LRP2: variants seen among roughly 807,000 people sequenced by gnomAD.
LRP2 encodes the protein low-density lipoprotein receptor-related protein 2.
A neutral mutation model predicts 531.0 loss-of-function variants in LRP2; 172 were observed. The ratio of observed to expected loss-of-function variants is 0.32; its 90% confidence interval spans 0.29 to 0.37. The LOEUF (loss-of-function observed/expected upper bound fraction) is 0.37, where lower values mean the gene tolerates loss of function less well. LRP2 is among the 10% of genes least tolerant of loss of function. LRP2 has a pLI of 1.00. For missense variants in LRP2, 5,167 were observed against 5,868.3 expected, an observed-to-expected ratio of 0.88 and a Z score of 3.90; for synonymous variants, 1,992 against 2,027.6, an observed-to-expected ratio of 0.98 and a Z score of 0.47.
At position 169,270,912 on chromosome 2, in the gene LRP2, T is replaced by C; in HGVS notation, c.2312A>G (p.Asp771Gly). 1.2e-6 allele frequency: 2 copies of C among 1,612,398 alleles called. No homozygotes were observed. Among genetic ancestry groups the C allele is most frequent in the Non-Finnish European group, 1.7e-6 (2 of 1,179,270 alleles). The change falls in exon 16 of 79, where the codon GAT becomes GGT. Residue 771 changes from aspartate to glycine, a missense_variant. Physicochemically the swap from Asp to Gly is moderately conservative, Grantham distance 94 (BLOSUM62 -1). Around this residue, in one of 6 missense-constraint regions of LRP2, gnomAD observed 2,811 missense variants for 3,058.0 expected, o/e 0.92. Transcript: ENST00000649046. ...ACACAAACCTTTCTCACCTGTGCCATCAATCTTTTGCTTAAAAATCATGTG... is the reference window on the plus strand; with the variant it reads ...ACACAAACCTTTCTCACCTGTGCCACCAATCTTTTGCTTAAAAATCATGTG... The part of the protein sequence containing the change: ...SKHMIFKQKI[D>G]GTGREILAAN...
In LRP2 at chr2:169,220,383, C is replaced by T. The variant is rs532534210; in HGVS notation, c.5648+71G>A. The stretch of plus-strand genomic sequence containing the variant: ...AAGATGTCCTAAATTTGAAATCTTC[C>T]ATTTTGTCAGACCCTGACATTAACA... On this transcript the variant is annotated intron_variant, in intron 34 of 78. Coordinates refer to ENST00000649046, the MANE Select transcript of LRP2 (RefSeq NM_004525.3). The T allele has an allele frequency of 3.4e-4, 382 of 1,129,364 alleles. 1 individual carries two copies. Among genetic ancestry groups the T allele is most frequent in the South Asian group, 1.8e-3 (144 of 80,728 alleles). The allele number at this position is 1,129,364 out of a possible 1,614,324, so 70.0% of individuals were successfully genotyped here. A position where few individuals can be genotyped will look rare whatever the true frequency, so the allele number is the denominator to read the frequency against.
chr2:169,348,303 A>G (rs1406654651), intron 1 of LRP2, among the ~76,000 whole-genome samples: 1 of 152,208 alleles, frequency 6.6e-6, no homozygotes. Flanking sequence ...TGGAGTCCTC[A>G]AAAGAATGGG....
chr2:169,145,657 A>G (rs751382023), intron 70 of LRP2, 90 bp downstream of exon 70: 1 of 1,266,978 alleles, frequency 7.9e-7, no homozygotes. Flanking sequence ...GCTTGTTGTT[A>G]TCTACTGCCA....
At chr2:169,145,457 C>G (rs1190896759) in intron 70 of LRP2, among the ~76,000 whole-genome samples, 1 of 152,212 alleles carries the variant, frequency 6.6e-6, no homozygotes. Context: ...CTGCTGGATT[C>G]TGTGGCCTAG....
At chr2:169,293,629 C>T (rs183042990) in intron 6 of LRP2, among the ~76,000 whole-genome samples, 22 of 152,220 alleles carry the variant, frequency 1.4e-4, no homozygotes, top group Admixed American at 1.0e-3. Flanking sequence ...AAGCCGAGAT[C>T]GCGCCACTGT....
At chr2:169,187,482 T>C (rs1218758493) in intron 49 of LRP2, among the ~76,000 whole-genome samples, 1 of 152,118 alleles carries the variant, frequency 6.6e-6, no homozygotes, top group African/African-American at 2.4e-5. Context: ...TATTATGGAG[T>C]TCAAGATGGT....
In LRP2 at chr2:169,209,538, T is replaced by C; in HGVS notation, c.6384A>G (p.Lys2128=). ...TGTTCATCAGAGAAGATCCATCTGG[T>C]TTAATTCTACGGATCGCATTATCAG... is the stretch of plus-strand genomic sequence containing the variant. ...VASDNAIRRI[K]PDGSSLMNIV... The change falls in exon 38 of 79, where the codon AAA becomes AAG. Residue 2128 remains lysine (K), a synonymous_variant. Transcript: ENST00000649046. 1.2e-6 allele frequency: 2 copies of C among 1,614,112 alleles called. No homozygotes were observed. Among genetic ancestry groups the C allele is most frequent in the Non-Finnish European group, 1.7e-6 (2 of 1,179,994 alleles).
chr2:169,236,089 C>A, intron 28 of LRP2, 21 bp from the exon 29 acceptor site: 1 of 1,540,736 alleles, frequency 6.5e-7, no homozygotes, highest in Non-Finnish European at 9.0e-7. Context: ...AAATGAGTTA[C>A]CAATTGGAGG....
At chr2:169,272,782 C>T (rs1004648102) in intron 15 of LRP2, 145 bp downstream of exon 15, 4 of 965,376 alleles carry the variant, frequency 4.1e-6, no homozygotes, top group East Asian at 2.4e-5. Flanking sequence ...AGGAAGATGC[C>T]CTGTGGGCTA....
At position 169,156,265 on chromosome 2, in the gene LRP2, C is replaced by T. The variant is rs1410831310; in HGVS notation, c.12151+9G>A. On this transcript the variant is annotated intron_variant, in intron 65 of 78. Transcript: ENST00000649046. The stretch of plus-strand genomic sequence containing the variant: ...AAAGTCAATTAATCCCAACATGAAC[C>T]CATCATACCCTCAGCTGCACATCGT... 1 of 1,613,374 alleles carries T rather than the reference C, an allele frequency of 6.2e-7. No individual in the cohort carries two copies. The highest frequency in any genetic ancestry group is 1.3e-5 in the African/African-American group (1 of 74,866).
At chr2:169,166,761 C>T (rs899147676) in intron 61 of LRP2, among the ~76,000 whole-genome samples, 2 of 152,218 alleles carry the variant, frequency 1.3e-5, no homozygotes, top group African/African-American at 4.8e-5. Context: ...CAAGGGTAGT[C>T]CCCAGGTCCC....
At chr2:169,260,870 G>GAA (rs71003072) in intron 16 of LRP2, among the ~76,000 whole-genome samples, 80 of 146,620 alleles carry the variant, frequency 5.5e-4, no homozygotes, top group Non-Finnish European at 7.6e-4. Context: ...GGGTACACTA[G>GAA]AAAAAAAAAA....
intron 42 of LRP2, among the ~76,000 whole-genome samples, chr2:169,203,235 C>T (rs1044025120): frequency 4.6e-5 from 7 of 152,232 alleles, no homozygotes; most frequent in Admixed American, 4.6e-4. Context: ...CATCAAAAGG[C>T]ACATCTTCCC....
intron 1 of LRP2, among the ~76,000 whole-genome samples, chr2:169,328,005 G>C (rs1332615605): frequency 7.7e-6 from 1 of 130,618 alleles, no homozygotes; most frequent in Non-Finnish European, 1.7e-5. Context: ...CCACGTCCGG[G>C]AGGGAGGTGG....
intron 1 of LRP2, among the ~76,000 whole-genome samples, chr2:169,337,271 G>T (rs1685432061): frequency 6.6e-6 from 1 of 152,160 alleles, no homozygotes; most frequent in Non-Finnish European, 1.5e-5. Flanking sequence ...GGCATTTTAG[G>T]CATTCCTAAT....
chr2:169,260,532 G>T (rs1251255991), intron 16 of LRP2, among the ~76,000 whole-genome samples: 1 of 152,032 alleles, frequency 6.6e-6, no homozygotes, highest in Non-Finnish European at 1.5e-5. Flanking sequence ...TAGACATGTT[G>T]GTTTAGAGGT....
intron 56 of LRP2, 24 bp from the exon 57 acceptor site, chr2:169,173,248 G>C: frequency 6.2e-7 from 1 of 1,613,938 alleles, no homozygotes; most frequent in Non-Finnish European, 8.5e-7. Context: ...AGGCATCAAA[G>C]TCAGAACTGA....
intron 4 of LRP2, among the ~76,000 whole-genome samples, chr2:169,295,192 A>C (rs1411689052): frequency 6.6e-6 from 1 of 152,218 alleles, no homozygotes; most frequent in Non-Finnish European, 1.5e-5. Flanking sequence ...AAGCAGGCCT[A>C]GAGTTCAGGA....
At position 169,327,200 on chromosome 2, in the gene LRP2, G is replaced by A. The variant is rs1338564884; in HGVS notation, c.80-6316C>T. 1.3e-3 allele frequency among the ~76,000 whole-genome samples: 161 copies of A among 121,216 alleles called. 1 individual carries two copies. The highest frequency in any genetic ancestry group is 4.9e-3 in the African/African-American group (141 of 28,904). 79.5% of individuals were successfully genotyped at this position (121,216 alleles called of 152,430 possible). A position where few individuals can be genotyped will look rare whatever the true frequency, so the allele number is the denominator to read the frequency against. ...AGGGAGGTGGGGGGGTCAGCCCCCC[G>A]CCTGGCCAGCCGCCCCATCCGGGAG... On this transcript the variant is annotated intron_variant, in intron 1 of 78. Transcript: ENST00000649046.
Sources: allele counts gnomAD v4.1 joint callset (sites outside exome capture counted in the v4.1 genomes callset), GRCh38; gene constraint gnomAD v4.1.1; regional missense constraint gnomAD v4.1.1; transcripts MANE v1.5; gene names NCBI Gene and HGNC (gene_info 2026-07-23, HGNC 2026-07-21).